Variants in TNS1 observed in about 807,000 individuals in gnomAD.
The protein encoded by TNS1 is tensin-1.
TNS1 carries 62 observed loss-of-function variants against 168.6 expected under a neutral mutation model. The observed-to-expected ratio is 0.37, with a 90% confidence interval of 0.30 to 0.45. The LOEUF (loss-of-function observed/expected upper bound fraction) is 0.45, where lower values mean the gene tolerates loss of function less well. Among genes scored for constraint, TNS1 ranks in the 20% least tolerant of loss-of-function variants. TNS1 has a pLI of 1.00. For missense variants in TNS1, 2,240 were observed against 2,339.4 expected (o/e 0.96, Z 0.88); for synonymous variants, 934 against 933.2 (o/e 1.00, Z -0.02).
chr2:217,938,668 C>T (rs367863580), intron 3 of TNS1, among the ~76,000 whole-genome samples: 57 of 152,340 alleles, frequency 3.7e-4, no homozygotes, highest in African/African-American at 1.3e-3. Context: ...GGTCCTTGCT[C>T]AGCCTGGGAG....
intron 1 of TNS1, among the ~76,000 whole-genome samples, chr2:217,996,792 A>G (rs1346618113): frequency 6.6e-6 from 1 of 152,058 alleles, no homozygotes; most frequent in Admixed American, 6.5e-5. Context: ...GCCTCCCAGG[A>G]TCACAACTAC....
intron 3 of TNS1, among the ~76,000 whole-genome samples, chr2:217,946,133 C>T (rs180873464): frequency 2.6e-5 from 4 of 152,284 alleles, no homozygotes; most frequent in Admixed American, 2.0e-4. Flanking sequence ...CCAACTTTGA[C>T]GGTCAGGCCT....
At chr2:217,954,977 T>TACACAC (rs369665264) in intron 3 of TNS1, among the ~76,000 whole-genome samples, 1 of 150,362 alleles carries the variant, frequency 6.7e-6, no homozygotes, top group South Asian at 2.1e-4. Context: ...TCCGTGAATG[T>TACACAC]ACACACACAC....
chr2:217,902,421 A>T (rs1225017192), intron 6 of TNS1, among the ~76,000 whole-genome samples: 1 of 152,216 alleles, frequency 6.6e-6, no homozygotes, highest in East Asian at 1.9e-4. Flanking sequence ...GCATGGGACC[A>T]GACCCAGGGA....
rs2126071665 is a variant in TNS1 at position 217,986,471 on chromosome 2, G to A, written c.148+4471C>T. 6.6e-6 allele frequency among the ~76,000 whole-genome samples: 1 copy of A among 152,348 alleles called. No homozygotes were observed. The highest frequency in any genetic ancestry group is 1.9e-4 in the East Asian group (1 of 5,176). Reference sequence around the variant, plus strand: ...CTGATGGCAGCCCTCGGGCTGCTGAGCTGCCATCCTGGTATCTTCCTGTGG... The same window carrying A: ...CTGATGGCAGCCCTCGGGCTGCTGAACTGCCATCCTGGTATCTTCCTGTGG... On this transcript the variant is annotated intron_variant, in intron 2 of 32. Transcript: ENST00000682258. This position sits in a 1 kb window ranked among gnomAD's most constrained non-coding sequence, Gnocchi z 4.7.
rs930776199 is a variant in TNS1, at chr2:217,884,068, G to A, written c.1246+967C>T. 8.3e-5 allele frequency among the ~76,000 whole-genome samples: 11 copies of A among 133,328 alleles called. No individual in the cohort carries two copies. In the South Asian group the frequency reaches 2.4e-3, roughly 29 times the overall value. 87.5% of individuals were successfully genotyped at this position (133,328 alleles called of 152,430 possible). On this transcript the variant is annotated intron_variant, in intron 16 of 32. Transcript: ENST00000682258. ...TGAGGGTAGGGCCTGACTTCTTTCT[G>A]TTCATATCTATAGGGTCTAGCACAT...
intron 16 of TNS1, 138 bp downstream of exon 16, chr2:217,884,897 C>G: frequency 9.0e-7 from 1 of 1,105,522 alleles, no homozygotes; most frequent in Non-Finnish European, 1.3e-6. Context: ...TCTCTCAACT[C>G]TCTCCTACCA....
intron 23 of TNS1, among the ~76,000 whole-genome samples, chr2:217,819,577 A>G (rs1942490370): frequency 6.6e-6 from 1 of 152,218 alleles, no homozygotes; most frequent in Non-Finnish European, 1.5e-5. Flanking sequence ...TGCCACAGTC[A>G]AAGGTTCCCT....
intron 4 of TNS1, among the ~76,000 whole-genome samples, chr2:217,916,616 G>A (rs748198468): frequency 8.5e-5 from 13 of 152,212 alleles, no homozygotes; most frequent in Non-Finnish European, 1.5e-4. Context: ...ACAGGAGGGT[G>A]GTGACCCTAG....
At chr2:218,020,395 T>C (rs368477279) in intron 1 of TNS1, among the ~76,000 whole-genome samples, 24 of 151,998 alleles carry the variant, frequency 1.6e-4, no homozygotes, top group African/African-American at 5.8e-4. Context: ...GATCACTGGT[T>C]AAATAACTTG....
chr2:217,850,318 A>AG (rs1947288067), intron 18 of TNS1: 1 of 985,176 alleles, frequency 1.0e-6, no homozygotes, highest in African/African-American at 1.7e-5. Context: ...GTGCTGATGC[A>AG]GGGGGTTCAG....
intron 3 of TNS1, among the ~76,000 whole-genome samples, chr2:217,942,873 A>G (rs1956985633): frequency 6.6e-6 from 1 of 151,942 alleles, no homozygotes; most frequent in Admixed American, 6.5e-5. Flanking sequence ...CTGGGAGCAC[A>G]GCAGGCTTCT....
intron 1 of TNS1, among the ~76,000 whole-genome samples, chr2:218,009,429 T>G (rs1958686488): frequency 6.6e-6 from 1 of 150,692 alleles, no homozygotes; most frequent in African/African-American, 2.4e-5. Context: ...ACATCAAGCA[T>G]CCTCTCTGAG....
At position 218,025,511 on chromosome 2, in the gene TNS1, A is replaced by G. The variant is rs531372711; in HGVS notation, c.156+8309T>C. Among the ~76,000 whole-genome samples, 10 of 151,942 alleles carry G rather than the reference A, an allele frequency of 6.6e-5. 2 individuals are homozygous for G. Among genetic ancestry groups the G allele is most frequent in the African/African-American group, 2.4e-4 (10 of 41,424 alleles). ...GTGATCTGCCCACCTCGGCCTCCCA[A>G]AGTGCTGGTATTACAGGTATGAGCC... On this transcript the variant is annotated intron_variant, in intron 1 of 1. Coordinates refer to the TNS1 transcript ENST00000649572.
chr2:217,926,766 C>T (rs190060072), intron 3 of TNS1, among the ~76,000 whole-genome samples: 10 of 152,348 alleles, frequency 6.6e-5, no homozygotes, highest in Middle Eastern at 3.4e-3. Flanking sequence ...CAAGCATTAG[C>T]ATCCACATCC....
At position 217,804,153 on chromosome 2, in the gene TNS1, T is replaced by C. The variant is rs775849087; in HGVS notation, c.*306A>G. 1.6e-4 allele frequency: 48 copies of C among 291,246 alleles called. No individual in the cohort carries two copies. The highest frequency in any genetic ancestry group is 2.8e-4 in the Non-Finnish European group (43 of 154,918). 18.0% of individuals were successfully genotyped at this position (291,246 alleles called of 1,614,324 possible). A position where few individuals can be genotyped will look rare whatever the true frequency, so the allele number is the denominator to read the frequency against. On this transcript the variant is annotated 3_prime_UTR_variant, in exon 33 of 33. Transcript: ENST00000682258. ...TCTCTTTTGAGGACATCCATCTTCT[T>C]AGGGGAGGGAGGGGGTGTTAGGTGG...
intron 1 of TNS1, among the ~76,000 whole-genome samples, chr2:218,017,035 G>T (rs1276762736): frequency 2.6e-5 from 4 of 152,154 alleles, no homozygotes; most frequent in African/African-American, 9.7e-5. Flanking sequence ...TCACATTGAG[G>T]CTCCAGAAGC....
chr2:217,913,530 G>A (rs3828283), intron 4 of TNS1, among the ~76,000 whole-genome samples: 60,738 of 151,764 alleles, frequency 0.4, 13,061 homozygotes, highest in African/African-American at 0.54. Context: ...ACCCTTGCCT[G>A]CAGCCTTGAA....
intron 3 of TNS1, among the ~76,000 whole-genome samples, chr2:217,975,141 G>C (rs1957862929): frequency 6.6e-6 from 1 of 152,102 alleles, no homozygotes; most frequent in African/African-American, 2.4e-5. Flanking sequence ...GTGAGAAACT[G>C]AGGCTACCTG....
Sources: gnomAD v4.1 joint callset for allele counts (sites outside exome capture counted in the v4.1 genomes callset) on GRCh38, gnomAD v4.1.1 for gene constraint, Gnocchi (gnomAD v3.1) non-coding constraint, MANE v1.5 for transcripts, NCBI Gene and HGNC (gene_info 2026-07-23, HGNC 2026-07-21) for gene names.